The following SPTLC3 variants were observed in gnomAD, a reference collection of about 807,000 sequenced individuals.
SPTLC3 encodes serine palmitoyltransferase 3.
A neutral mutation model predicts 59.3 loss-of-function variants in SPTLC3; 36 were observed. The ratio of observed to expected loss-of-function variants is 0.61; its 90% CI spans 0.47 to 0.80. The LOEUF (loss-of-function observed/expected upper bound fraction) is 0.80, where lower values mean the gene tolerates loss of function less well. Ranked by LOEUF, SPTLC3 falls within the 30% of genes least tolerant of loss-of-function variation. SPTLC3 has a pLI of 0.00. For missense variants in SPTLC3, 625 were observed against 685.1 expected, an observed-to-expected ratio of 0.91 and a Z score of 0.98; for synonymous variants, 257 against 240.8, an observed-to-expected ratio of 1.07 and a Z score of -0.62.
At chr20:13,163,072 T>C (rs1007410313) in intron 11 of SPTLC3, among the ~76,000 whole-genome samples, 21 of 152,006 alleles carry the variant, frequency 1.4e-4, no homozygotes, top group Admixed American at 6.6e-5. Context: ...AAGGTTGAGA[T>C]AAAAATGAAT....
At chr20:13,061,511 A>C (rs1044072681) in intron 2 of SPTLC3, among the ~76,000 whole-genome samples, 1 of 152,142 alleles carries the variant, frequency 6.6e-6, no homozygotes, top group African/African-American at 2.4e-5. Flanking sequence ...AGTCATCAGC[A>C]GTCATTCAGC....
chr20:13,029,538 G>A (rs1429174281), intron 1 of SPTLC3, among the ~76,000 whole-genome samples: 1 of 152,054 alleles, frequency 6.6e-6, no homozygotes, highest in Non-Finnish European at 1.5e-5. Flanking sequence ...CAATTAATCA[G>A]ATAATTATAA....
intron 9 of SPTLC3, among the ~76,000 whole-genome samples, chr20:13,143,557 T>G (rs2038435301): frequency 6.6e-6 from 1 of 152,318 alleles, no homozygotes; most frequent in Admixed American, 6.5e-5. Flanking sequence ...ATTGGCTTCA[T>G]ACTGTTTGAG....
At chr20:13,108,734 C>T (rs1294210770) in intron 6 of SPTLC3, among the ~76,000 whole-genome samples, 1 of 152,122 alleles carries the variant, frequency 6.6e-6, no homozygotes, top group African/African-American at 2.4e-5. Context: ...ACCACCATAC[C>T]CACTTAATTT....
At chr20:13,075,558 A>T in intron 4 of SPTLC3, among the ~76,000 whole-genome samples, 1 of 152,164 alleles carries the variant, frequency 6.6e-6, no homozygotes. Flanking sequence ...GGGTGCACAG[A>T]TTTCTTAAGA....
chr20:13,064,009 T>C (rs1339140227), intron 2 of SPTLC3, among the ~76,000 whole-genome samples: 1 of 151,526 alleles, frequency 6.6e-6, no homozygotes, highest in East Asian at 1.9e-4. Context: ...ATTAAATAGT[T>C]CTTTTCTTTT....
intron 9 of SPTLC3, among the ~76,000 whole-genome samples, chr20:13,132,623 A>G (rs2038147676): frequency 6.6e-6 from 1 of 152,182 alleles, no homozygotes; most frequent in Admixed American, 6.5e-5. Flanking sequence ...TCTGGCAAGT[A>G]TAGGTTTCCA....
rs750607792 is a variant in SPTLC3, at chr20:13,126,710, C to CCATGGTAAGAGGG, written c.1272_1273insCATGGTAAGAGGG (p.Thr425HisfsTer36). 1.9e-5 allele frequency: 30 copies of CCATGGTAAGAGGG among 1,613,830 alleles called. No homozygotes were observed. Among genetic ancestry groups the CCATGGTAAGAGGG allele is most frequent in the Non-Finnish European group, 2.5e-5 (29 of 1,179,910 alleles). On this transcript the variant is annotated frameshift_variant, in exon 9 of 12. Coordinates refer to ENST00000399002, the MANE Select transcript of SPTLC3 (RefSeq NM_018327.4). LOFTEE classifies it high-confidence loss of function. ...AACTTATCATGGGACTGGATGGGAC[C>CCATGGTAAGAGGG]ACTCAAGGTAAGAGGATCTGCAGAG...
chr20:13,042,279 T>C (rs1987018406), intron 1 of SPTLC3, among the ~76,000 whole-genome samples: 1 of 152,152 alleles, frequency 6.6e-6, no homozygotes, highest in Non-Finnish European at 1.5e-5. Context: ...TCCCTACTCT[T>C]TGTGCCAAAT....
At chr20:13,063,055 T>C (rs1988035226) in intron 2 of SPTLC3, among the ~76,000 whole-genome samples, 1 of 152,228 alleles carries the variant, frequency 6.6e-6, no homozygotes, top group Non-Finnish European at 1.5e-5. Flanking sequence ...TATCTAACAA[T>C]GCATGCTTCC....
chr20:13,085,338 G>A (rs2122607486), intron 4 of SPTLC3, among the ~76,000 whole-genome samples: 1 of 152,214 alleles, frequency 6.6e-6, no homozygotes. Flanking sequence ...TACCCCAAAT[G>A]CTTTTGAAGC....
At chr20:13,132,840 C>T (rs2038155085) in intron 9 of SPTLC3, 1 of 152,300 alleles carries the variant, frequency 6.6e-6, no homozygotes, top group Admixed American at 6.5e-5. Flanking sequence ...CACCGAGCCT[C>T]AACCCATCCA....
chr20:13,009,301 G>T lies in SPTLC3; in HGVS notation c.34G>T (p.Gly12Trp). The T allele has an allele frequency of 1.9e-6, 3 of 1,614,004 alleles. No homozygotes were observed. The highest frequency in any genetic ancestry group is 2.5e-6 in the Non-Finnish European group (3 of 1,179,972). The change falls in exon 1 of 12, where the codon GGG becomes TGG. Residue 12 changes from glycine to tryptophan, a missense_variant. Transcript: ENST00000399002. The stretch of plus-strand genomic sequence containing the variant: ...CCCTGGAGGTGGTGCTGTTTGCAAC[G>T]GGAAACTTCACAATCACAAGAAACA... ...ANPGGGAVCN[G>W]KLHNHKKQSN...
At chr20:13,052,478 GT>G (rs1340897473) in intron 2 of SPTLC3, among the ~76,000 whole-genome samples, 2 of 149,868 alleles carry the variant, frequency 1.3e-5, no homozygotes, top group African/African-American at 4.9e-5. Context: ...GGCTGCAGGA[GT>G]TTTTTTGTTG....
chr20:13,152,696 C>A (rs1450135095), intron 9 of SPTLC3, among the ~76,000 whole-genome samples: 2 of 152,176 alleles, frequency 1.3e-5, no homozygotes, highest in Non-Finnish European at 2.9e-5. Flanking sequence ...ATTATTCCAA[C>A]TGATTAAGAC....
At chr20:13,099,427 G>A (rs1371214516) in intron 6 of SPTLC3, among the ~76,000 whole-genome samples, 1 of 152,200 alleles carries the variant, frequency 6.6e-6, no homozygotes, top group Non-Finnish European at 1.5e-5. Context: ...ATAAGTTTGT[G>A]TTGTCTTAAA....
chr20:13,118,422 A>G lies in SPTLC3; in HGVS notation c.1152+697A>G, dbSNP rs113038530. ...AAGTGAGTGTTGGCCCTGTCATTCT[A>G]GTGCCAATATCACCAAGAGGTTTGT... On this transcript the variant is annotated intron_variant, in intron 8 of 11. Transcript: ENST00000399002. 1.9e-3 allele frequency among the ~76,000 whole-genome samples: 253 copies of G among 135,370 alleles called. 3 individuals are homozygous for G. The highest frequency in any genetic ancestry group is 6.4e-3 in the African/African-American group (240 of 37,412). 88.8% of individuals were successfully genotyped at this position (135,370 alleles called of 152,430 possible). A position where few individuals can be genotyped will look rare whatever the true frequency, so the allele number is the denominator to read the frequency against.
chr20:13,090,594 C>G (rs1257594754), intron 4 of SPTLC3, among the ~76,000 whole-genome samples: 2 of 152,072 alleles, frequency 1.3e-5, no homozygotes, highest in African/African-American at 4.8e-5. Context: ...GTATACAGCT[C>G]AATGGATCTC....
chr20:13,075,230 C>G (rs1343743409), intron 4 of SPTLC3, among the ~76,000 whole-genome samples: 1 of 151,988 alleles, frequency 6.6e-6, no homozygotes, highest in Admixed American at 6.6e-5. Flanking sequence ...GTGATGTACT[C>G]AAGGAAGTTA....
Sources: gnomAD v4.1 joint callset for allele counts (sites outside exome capture counted in the v4.1 genomes callset) on GRCh38, gnomAD v4.1.1 for gene constraint, MANE v1.5 for transcripts, NCBI Gene and HGNC (gene_info 2026-07-23, HGNC 2026-07-21) for gene names.